Variants in EPB41 observed in about 807,000 individuals in gnomAD.
EPB41 encodes the protein protein 4.1.
EPB41 carries 65 observed loss-of-function variants against 108.0 expected under a neutral mutation model. That is an observed-to-expected ratio of 0.60 (90% CI 0.49 to 0.74). EPB41 has a LOEUF of 0.74. Ranked by LOEUF, EPB41 falls within the 30% of genes least tolerant of loss-of-function variation. The pLI, the probability that EPB41 is intolerant of heterozygous loss-of-function variation, is 0.00. For missense variants in EPB41, 875 were observed against 1,037.0 expected (o/e 0.84, Z 2.15); for synonymous variants, 336 against 358.9 (o/e 0.94, Z 0.72).
At chr1:28,947,155 C>T (rs906439300) in intron 1 of EPB41, among the ~76,000 whole-genome samples, 14 of 152,270 alleles carry the variant, frequency 9.2e-5, no homozygotes, top group African/African-American at 3.4e-4. Context: ...GGGTGGCTCA[C>T]GCCTGTAATC....
Position 29,070,141 on chromosome 1 carries a change from G to A in EPB41, c.2184+4983G>A, listed in dbSNP as rs530477513. ...AAGCCAGTGATTCCTTGAACTTTCC[G>A]TTCTAATGTTCACTCACTCAAAAAG... On this transcript the variant is annotated intron_variant, in intron 16 of 20. Coordinates refer to ENST00000343067, the MANE Select transcript of EPB41 (RefSeq NM_001376013.1). The A allele has an allele frequency of 4.1e-5, 15 of 364,040 alleles. No individual in the cohort carries two copies. In the South Asian group the frequency reaches 7.4e-4, roughly 18 times the overall value. The allele number at this position is 364,040 out of a possible 1,614,324, so 22.6% of individuals were successfully genotyped here. A position where few individuals can be genotyped will look rare whatever the true frequency, so the allele number is the denominator to read the frequency against.
At chr1:29,035,556 A>G (rs373045818) in intron 9 of EPB41, among the ~76,000 whole-genome samples, 11 of 151,902 alleles carry the variant, frequency 7.2e-5, no homozygotes, top group African/African-American at 2.2e-4. Flanking sequence ...AAAAATGTAT[A>G]ATGAATGTGT....
chr1:28,902,078 G>T, intron 1 of EPB41: 1 of 690,434 alleles, frequency 1.4e-6, no homozygotes, highest in Non-Finnish European at 1.8e-6. Context: ...AAATATTTGG[G>T]GTGTAAACTG....
chr1:28,935,310 G>A (rs900710855), intron 1 of EPB41, among the ~76,000 whole-genome samples: 6 of 151,580 alleles, frequency 4.0e-5, no homozygotes, highest in Admixed American at 4.0e-4. Flanking sequence ...TGGTGCGCAT[G>A]CCTGTAGCCA....
intron 17 of EPB41, among the ~76,000 whole-genome samples, chr1:29,105,357 C>T (rs1666777136): frequency 6.6e-6 from 1 of 152,164 alleles, no homozygotes; most frequent in South Asian, 2.1e-4. Context: ...CCTGCCTCAG[C>T]CTCCTGAGTA....
At chr1:28,965,344 A>G (rs886128783) in intron 1 of EPB41, among the ~76,000 whole-genome samples, 2 of 152,078 alleles carry the variant, frequency 1.3e-5, no homozygotes, top group African/African-American at 4.8e-5. Context: ...TTTTCATAGA[A>G]CCTAGTAACC....
chr1:29,053,004 C>A, intron 11 of EPB41, 100 bp from the exon 12 acceptor site: 2 of 1,249,684 alleles, frequency 1.6e-6, no homozygotes, highest in South Asian at 1.3e-5. Flanking sequence ...CTCTAACATT[C>A]GTGTGTATCC....
In EPB41 at chr1:28,975,958, A is replaced by AAGAAAG. The variant is rs1553205873; in HGVS notation, c.-7-11472_-7-11471insGAAAGA. ...TCCATCTCAAAAAAAAAAAAAAAAAAAAAGAAAGAAAGAAAGAAATATGTA... is the reference window on the plus strand; with the variant it reads ...TCCATCTCAAAAAAAAAAAAAAAAAAAGAAAGAAAGAAAGAAAGAAAGAAATATGTA... On this transcript the variant is annotated intron_variant, in intron 1 of 20. Transcript: ENST00000343067. 7.8e-5 allele frequency among the ~76,000 whole-genome samples: 11 copies of AAGAAAG among 140,202 alleles called. No homozygotes were observed. In the South Asian group the frequency reaches 2.7e-3, roughly 35 times the overall value. The allele number at this position is 140,202 out of a possible 152,430, so 92.0% of individuals were successfully genotyped here.
upstream of EPB41, among the ~76,000 whole-genome samples, chr1:28,913,734 A>C (rs571624020): frequency 2.6e-5 from 4 of 152,304 alleles, no homozygotes; most frequent in South Asian, 2.1e-4. Context: ...TTCTTTCTGC[A>C]CTGTGGGTCC....
chr1:28,929,844 T>TTTG (rs1491524960), intron 1 of EPB41, among the ~76,000 whole-genome samples: 1 of 49,376 alleles, frequency 2.0e-5, no homozygotes, highest in Non-Finnish European at 3.2e-5. Flanking sequence ...CTGGGCCTTC[T>TTTG]TTTTTTTTTT....
chr1:28,906,321 TGTCAA>T (rs1188208535), intron 1 of EPB41, among the ~76,000 whole-genome samples: 14 of 152,288 alleles, frequency 9.2e-5, no homozygotes, highest in Admixed American at 4.6e-4. Context: ...CCTGTCCCTC[TGTCAA>T]GTGAGGGTTG....
At chr1:29,050,387 A>C (rs766203623) in intron 11 of EPB41, among the ~76,000 whole-genome samples, 25 of 152,392 alleles carry the variant, frequency 1.6e-4, no homozygotes, top group Middle Eastern at 3.4e-3. Flanking sequence ...TGGCAAAATA[A>C]CACATGGTGA....
chr1:28,991,569 TG>T (rs1387723524), intron 2 of EPB41, among the ~76,000 whole-genome samples: 1 of 151,704 alleles, frequency 6.6e-6, no homozygotes, highest in East Asian at 1.9e-4. Context: ...CTAGGCATGG[TG>T]GCTCTCCTGT....
chr1:28,887,182 C>A lies in EPB41; in HGVS notation c.-36C>A, dbSNP rs1490563160. 1 of 1,232,652 alleles carries A rather than the reference C, an allele frequency of 8.1e-7. No individual in the cohort carries two copies. The highest frequency in any genetic ancestry group is 1.1e-6 in the Non-Finnish European group (1 of 938,390). The allele number at this position is 1,232,652 out of a possible 1,614,324, so 76.4% of individuals were successfully genotyped here. On this transcript the variant is annotated 5_prime_UTR_variant, in exon 1 of 17. Transcript: ENST00000347529. This position sits in a 1 kb window ranked among gnomAD's most constrained non-coding sequence, Gnocchi z 4.9. ...GAGCGGCGCGGAGCCAGAACGCGGT[C>A]GGCCCGGTCCCCGCCGCACCCAGCC...
chr1:28,908,230 C>G (rs141340386), intron 1 of EPB41, among the ~76,000 whole-genome samples: 1 of 151,142 alleles, frequency 6.6e-6, no homozygotes, highest in East Asian at 2.0e-4. Context: ...AGAGAAGCCC[C>G]GTCTCTACGA....
At position 28,921,965 on chromosome 1, in the gene EPB41, C is replaced by CACACT. The variant is rs1460560597; in HGVS notation, c.-8+7197_-8+7198insACACT. The stretch of plus-strand genomic sequence containing the variant: ...ATATATATATATATATATATATACA[C>CACACT]TTTTTTTTTGTTTTTTTTTTTTGAG... On this transcript the variant is annotated intron_variant, in intron 1 of 20. Coordinates refer to ENST00000343067, the MANE Select transcript of EPB41 (RefSeq NM_001376013.1). Among the ~76,000 whole-genome samples the CACACT allele has an allele frequency of 7.4e-5, 5 of 67,642 alleles. No individual in the cohort carries two copies. The East Asian group carries it at 0.016, about 210-fold the overall frequency. The allele number at this position is 67,642 out of a possible 152,430, so 44.4% of individuals were successfully genotyped here.
chr1:28,973,359 T>C (rs552177464), intron 1 of EPB41, among the ~76,000 whole-genome samples: 1 of 152,096 alleles, frequency 6.6e-6, no homozygotes, highest in Non-Finnish European at 1.5e-5. Flanking sequence ...TAAAAAATAA[T>C]CCATTGTATA....
chr1:29,062,575 A>G (rs72876915), intron 15 of EPB41, among the ~76,000 whole-genome samples: 32 of 152,286 alleles, frequency 2.1e-4, no homozygotes, highest in African/African-American at 6.7e-4. Flanking sequence ...AACACAGCCA[A>G]AGTAATTTGG....
chr1:28,961,497 G>A (rs142166865), intron 1 of EPB41, among the ~76,000 whole-genome samples: 6 of 152,186 alleles, frequency 3.9e-5, no homozygotes, highest in Admixed American at 3.9e-4. Flanking sequence ...CTGAACACCC[G>A]GTTTATAGTC....
Sources: gnomAD v4.1 joint callset for allele counts (sites outside exome capture counted in the v4.1 genomes callset) on GRCh38, gnomAD v4.1.1 for gene constraint, Gnocchi (gnomAD v3.1) non-coding constraint, MANE v1.5 for transcripts, NCBI Gene and HGNC (gene_info 2026-07-23, HGNC 2026-07-21) for gene names.